Variants in PHF10 observed in about 807,000 individuals in gnomAD.
The protein encoded by PHF10 is PHD finger protein 10.
Under a neutral mutation model 68.5 loss-of-function variants are expected in PHF10, and 51 were observed. That is an observed-to-expected ratio of 0.74 (90% CI 0.59 to 0.94). PHF10 has a LOEUF of 0.94. Ranked by LOEUF, PHF10 falls within the 40% of genes least tolerant of loss-of-function variation. The probability of loss-of-function intolerance (pLI) is 0.00; values close to 1 mark genes in which losing one functional copy is unlikely to be tolerated. For synonymous variants in PHF10, 204 were observed against 203.5 expected, an observed-to-expected ratio of 1.00 and a Z score of -0.02; for missense variants, 460 against 602.6, an observed-to-expected ratio of 0.76 and a Z score of 2.48.
intron 1 of PHF10, among the ~76,000 whole-genome samples, chr6:169,722,462 T>A (rs1789202778): frequency 6.6e-6 from 1 of 152,180 alleles, no homozygotes; most frequent in South Asian, 2.1e-4. Context: ...TAAAAACATT[T>A]TCCTTTAGCT....
At chr6:169,722,218 T>TG (rs1176066086) in intron 1 of PHF10, among the ~76,000 whole-genome samples, 1 of 152,350 alleles carries the variant, frequency 6.6e-6, no homozygotes, top group East Asian at 1.9e-4. Context: ...TCCTAGGAAT[T>TG]AACTGGTTCT....
At chr6:169,705,576 T>TA (rs772564261) in intron 10 of PHF10, 40 bp downstream of exon 10, 3 of 1,033,390 alleles carry the variant, frequency 2.9e-6, no homozygotes, top group South Asian at 2.5e-5. Context: ...AACCAATAAA[T>TA]ACGGTGGTTA....
At chr6:169,721,883 T>C (rs1172089653) in intron 1 of PHF10, among the ~76,000 whole-genome samples, 4 of 152,230 alleles carry the variant, frequency 2.6e-5, no homozygotes, top group Non-Finnish European at 4.4e-5. Flanking sequence ...TGCTAAATAC[T>C]ATAGTCCTCT....
intron 3 of PHF10, 34 bp from the exon 4 acceptor site, chr6:169,717,940 A>G (rs1472519220): frequency 9.4e-7 from 1 of 1,058,778 alleles, no homozygotes; most frequent in Admixed American, 2.0e-5. Flanking sequence ...TATTAAAAAC[A>G]GCAAAACCTT....
chr6:169,717,771 T>C, intron 4 of PHF10, 52 bp downstream of exon 4: 1 of 752,648 alleles, frequency 1.3e-6, no homozygotes, highest in Non-Finnish European at 2.3e-6. Context: ...TTATCTAGTA[T>C]TATCTCATAA....
chr6:169,723,786 GC>G (rs1293002170), intron 1 of PHF10, 58 bp downstream of exon 1: 2 of 534,844 alleles, frequency 3.7e-6, no homozygotes, highest in East Asian at 5.9e-5. Context: ...CTGGGCCCAC[GC>G]CCCGGCACCC....
rs1404723185 is a variant in PHF10, at chr6:169,710,290, T to C, written c.1059A>G (p.Pro353=). 26 of 1,613,106 alleles carry C rather than the reference T, an allele frequency of 1.6e-5. No individual in the cohort carries two copies. Among genetic ancestry groups the C allele is most frequent in the Non-Finnish European group, 8.5e-7 (1 of 1,179,478 alleles). The change falls in exon 9 of 12, where the codon CCA becomes CCG. Residue 353 remains proline (P), a synonymous_variant. Transcript: ENST00000339209. ...CAGAACGTTTGGGACCATCTTTTCT[T>C]GGAGTGGCAGCTTTGTCTTTTGATT... The part of the protein sequence containing the change: ...RQKSKDKAAT[P]RKDGPKRSVL...
At chr6:169,720,468 TAAAA>T (rs1248491375) in intron 2 of PHF10, among the ~76,000 whole-genome samples, 1 of 152,100 alleles carries the variant, frequency 6.6e-6, no homozygotes, top group Non-Finnish European at 1.5e-5. Context: ...TATTCAGCCT[TAAAA>T]ACAGAAAAAA....
chr6:169,723,897 G>A lies in PHF10; in HGVS notation c.35C>T (p.Ser12Phe). Residue 12 changes from serine to phenylalanine, a missense_variant, in exon 1 of 12, where the codon TCC becomes TTC. Ser to Phe is a radical substitution (Grantham distance 155). This residue lies in a region of PHF10 where 93 missense variants were observed against 82.4 expected (regional missense o/e 1.13). Coordinates refer to ENST00000339209, the MANE Select transcript of PHF10 (RefSeq NM_018288.4). ...TGGGTCGCTGTCGCACGGCCGCGGGGACAGCGCAGCCCCGGGCCCGGCCGC... is the reference window on the plus strand; with the variant it reads ...TGGGTCGCTGTCGCACGGCCGCGGGAACAGCGCAGCCCCGGGCCCGGCCGC... ...AAAAGPGAAL[S>F]PRPCDSDPAT... The A allele has an allele frequency of 2.8e-6, 3 of 1,080,786 alleles. No individual in the cohort carries two copies. Among genetic ancestry groups the A allele is most frequent in the Non-Finnish European group, 3.4e-6 (3 of 889,000 alleles). 66.9% of individuals were successfully genotyped at this position (1,080,786 alleles called of 1,614,324 possible).
chr6:169,722,818 C>A (rs1450506714), intron 1 of PHF10, among the ~76,000 whole-genome samples: 3 of 152,226 alleles, frequency 2.0e-5, no homozygotes, highest in Non-Finnish European at 2.9e-5. Flanking sequence ...AATTTCTATG[C>A]ATCACATCCT....
intron 4 of PHF10, among the ~76,000 whole-genome samples, chr6:169,716,526 G>GCA (rs149558855): frequency 1.6e-3 from 244 of 150,788 alleles, no homozygotes; most frequent in Non-Finnish European, 2.8e-3. Flanking sequence ...AAAAACATCA[G>GCA]CACACACACA....
In PHF10 at chr6:169,712,387, G is replaced by C; in HGVS notation, c.956C>G (p.Ser319Trp). The change falls in exon 8 of 12, where the codon TCG (serine) becomes TGG (tryptophan). Residue 319 changes from serine to tryptophan, a missense_variant and splice_region_variant. This residue lies in a region of PHF10 where 256 missense variants were observed against 410.5 expected (regional missense o/e 0.62). Transcript: ENST00000339209. ...GDEKRKNKGT[S>W]DSSSGNVSEG... ...CCTACTAGAGAGAAATGTTCTCACCGAAGTGCCTTTATTTTTCCGTTTCTC... is the reference window on the plus strand; with the variant it reads ...CCTACTAGAGAGAAATGTTCTCACCCAAGTGCCTTTATTTTTCCGTTTCTC... 6.2e-7 allele frequency: 1 copy of C among 1,613,148 alleles called. No homozygotes were observed. The highest frequency in any genetic ancestry group is 8.5e-7 in the Non-Finnish European group (1 of 1,179,270).
rs775967037 is a variant in PHF10, at chr6:169,718,768, T to C, written c.325+20A>G. On this transcript the variant is annotated intron_variant, in intron 3 of 11. Coordinates refer to ENST00000339209, the MANE Select transcript of PHF10 (RefSeq NM_018288.4). The stretch of plus-strand genomic sequence containing the variant: ...AGAATTACTATCAATTATAAATTAA[T>C]CTATTATATAAACTAGTACCTGGAT... 4 of 1,313,190 alleles carry C rather than the reference T, an allele frequency of 3.0e-6. No individual in the cohort carries two copies. Among genetic ancestry groups the C allele is most frequent in the African/African-American group, 2.9e-5 (2 of 67,812 alleles). The allele number at this position is 1,313,190 out of a possible 1,614,324, so 81.3% of individuals were successfully genotyped here.
At chr6:169,718,029 A>G in intron 3 of PHF10, 123 bp from the exon 4 acceptor site, 1 of 480,742 alleles carries the variant, frequency 2.1e-6, no homozygotes, top group East Asian at 3.2e-5. Flanking sequence ...AATATTATTA[A>G]AGGGGCTACA....
chr6:169,704,638 C>T (rs1788709602), intron 11 of PHF10: 1 of 169,402 alleles, frequency 5.9e-6, no homozygotes, highest in African/African-American at 2.4e-5. Context: ...GAGTATTATA[C>T]AGTGTTAACT....
In PHF10 at chr6:169,705,326, A is replaced by AGTGAT; in HGVS notation, c.1223-6_1223-5insATCAC. On this transcript the variant is annotated splice_region_variant and splice_polypyrimidine_tract_variant and intron_variant, in intron 10 of 11. Transcript: ENST00000339209. ...TATCCAGGCAAGAAGGATGGCCTAA[A>AGTGAT]TCAAAACCAGTATTAGTGGTATCTC... The AGTGAT allele has an allele frequency of 6.3e-7, 1 of 1,596,614 alleles. No homozygotes were observed. Among genetic ancestry groups the AGTGAT allele is most frequent in the Non-Finnish European group, 8.5e-7 (1 of 1,170,048 alleles).
chr6:169,705,606 C>G lies in PHF10; in HGVS notation c.1222+10G>C. ...TGGTTAAAATTTTAAAAAGACATTT[C>G]AATACTTACCACTATTCTCACATTG... On this transcript the variant is annotated intron_variant, in intron 10 of 11. Transcript: ENST00000339209. 7.9e-7 allele frequency: 1 copy of G among 1,260,754 alleles called. No individual in the cohort carries two copies. Among genetic ancestry groups the G allele is most frequent in the Non-Finnish European group, 1.2e-6 (1 of 858,836 alleles). The allele number at this position is 1,260,754 out of a possible 1,614,324, so 78.1% of individuals were successfully genotyped here.
At chr6:169,715,676 G>A (rs1459408830) in intron 6 of PHF10, 32 bp downstream of exon 6, 1 of 1,592,824 alleles carries the variant, frequency 6.3e-7, no homozygotes, top group African/African-American at 1.3e-5. Flanking sequence ...AATAAACTAA[G>A]TTCAGGGGGT....
intron 9 of PHF10, 107 bp downstream of exon 9, chr6:169,710,129 A>T: frequency 1.3e-6 from 1 of 756,772 alleles, no homozygotes; most frequent in Non-Finnish European, 2.1e-6. Context: ...AAGAACAGCT[A>T]GTGAGGTACA....
Sources: allele counts gnomAD v4.1 joint callset (sites outside exome capture counted in the v4.1 genomes callset), GRCh38; gene constraint gnomAD v4.1.1; regional missense constraint gnomAD v4.1.1; transcripts MANE v1.5; gene names NCBI Gene and HGNC (gene_info 2026-07-23, HGNC 2026-07-21).